Variants in NOL10 observed in about 807,000 individuals in gnomAD.
The protein encoded by NOL10 is H_NH0074G24.1.
NOL10 carries 58 observed loss-of-function variants against 103.5 expected under a neutral mutation model. That is an observed-to-expected ratio of 0.56 (90% CI 0.45 to 0.70). The LOEUF (loss-of-function observed/expected upper bound fraction) is 0.70, where lower values mean the gene tolerates loss of function less well. Ranked by LOEUF, NOL10 falls within the 30% of genes least tolerant of loss-of-function variation. The probability of loss-of-function intolerance (pLI) is 0.00; values close to 1 mark genes in which losing one functional copy is unlikely to be tolerated. For synonymous variants in NOL10, 287 were observed against 282.5 expected (o/e 1.02, Z -0.16); for missense variants, 763 against 807.3 (o/e 0.95, Z 0.67).
At chr2:10,683,487 G>C (rs1681927538) in intron 2 of NOL10, among the ~76,000 whole-genome samples, 1 of 152,200 alleles carries the variant, frequency 6.6e-6, no homozygotes, top group Admixed American at 6.5e-5. Flanking sequence ...ATACACAAGA[G>C]AGCAAAGCAA....
intron 1 of NOL10, among the ~76,000 whole-genome samples, chr2:10,685,430 T>C (rs1310321430): frequency 1.6e-5 from 2 of 128,508 alleles, no homozygotes; most frequent in African/African-American, 3.0e-5. Context: ...GAGGCGGAGG[T>C]TGCAGGGAGC....
chr2:10,603,129 G>A lies in NOL10; in HGVS notation c.1182C>T (p.Phe394=), dbSNP rs774391004. The change falls in exon 15 of 21, where the codon TTC becomes TTT. Residue 394 remains phenylalanine (F), a synonymous_variant. Coordinates refer to ENST00000381685, the MANE Select transcript of NOL10 (RefSeq NM_024894.4). ...AAAACCCATGCATATATGCCCGGAG[G>A]AAAGGAGATCCAATGAGGTGGGTGA... ...LGLTHLIGSP[F]LRAYMHGFFM... 1.2e-6 allele frequency: 2 copies of A among 1,611,850 alleles called. No homozygotes were observed. The highest frequency in any genetic ancestry group is 4.5e-5 in the East Asian group (2 of 44,824).
chr2:10,689,851 G>A lies in NOL10; in HGVS notation c.11C>T (p.Ser4Phe), dbSNP rs1489648128. 3.1e-6 allele frequency: 5 copies of A among 1,606,864 alleles called. No individual in the cohort carries two copies. Among genetic ancestry groups the A allele is most frequent in the Non-Finnish European group, 1.7e-6 (2 of 1,176,932 alleles). The change falls in exon 1 of 21, where the codon TCC becomes TTC. Residue 4 changes from serine (S) to phenylalanine (F), a missense_variant. Ser to Phe is a radical substitution (Grantham distance 155). Coordinates refer to ENST00000381685, the MANE Select transcript of NOL10 (RefSeq NM_024894.4). The part of the protein sequence containing the change: MQV[S>F]SLNEVKIYSL... Reference sequence around the variant, plus strand: ...GTAAATCTTCACCTCATTGAGGCTGGAGACCTGCATGGCGCCGCACAACAC... The same window carrying A: ...GTAAATCTTCACCTCATTGAGGCTGAAGACCTGCATGGCGCCGCACAACAC...
Position 10,584,477 on chromosome 2 carries a change from C to G in NOL10, c.1844+4566G>C, listed in dbSNP as rs554212346. Among the ~76,000 whole-genome samples, 8 of 150,964 alleles carry G rather than the reference C, an allele frequency of 5.3e-5. No homozygotes were observed. In the South Asian group the frequency reaches 1.7e-3, roughly 32 times the overall value. On this transcript the variant is annotated intron_variant, in intron 19 of 20. Transcript: ENST00000381685. ...GCAGACAGCTCACTCAAGTCTCCAG[C>G]TACCATTCACGATCCACCTTTCCCT...
At chr2:10,638,019 C>T (rs1463395316) in intron 13 of NOL10, among the ~76,000 whole-genome samples, 1 of 152,178 alleles carries the variant, frequency 6.6e-6, no homozygotes, top group Non-Finnish European at 1.5e-5. Context: ...CAGTGACTTA[C>T]ACCTGTAATC....
At chr2:10,623,419 C>A (rs893157133) in intron 13 of NOL10, among the ~76,000 whole-genome samples, 5 of 152,150 alleles carry the variant, frequency 3.3e-5, no homozygotes, top group Non-Finnish European at 7.4e-5. Context: ...ACCCTTCTAT[C>A]CACCATCACT....
chr2:10,587,724 A>G (rs1675189330), intron 19 of NOL10, among the ~76,000 whole-genome samples: 1 of 152,132 alleles, frequency 6.6e-6, no homozygotes, highest in Admixed American at 6.5e-5. Context: ...AAATTCAAGG[A>G]TTCACTACAT....
intron 11 of NOL10, among the ~76,000 whole-genome samples, chr2:10,656,373 A>G (rs996521798): frequency 1.3e-5 from 2 of 152,200 alleles, no homozygotes; most frequent in Admixed American, 1.3e-4. Flanking sequence ...GGCAATCATC[A>G]GGGCAATTCT....
chr2:10,622,404 T>A (rs771359028), intron 13 of NOL10, among the ~76,000 whole-genome samples: 1 of 151,928 alleles, frequency 6.6e-6, no homozygotes, highest in African/African-American at 2.4e-5. Context: ...TAGTAACTTG[T>A]TAATAATGGT....
At chr2:10,648,556 G>C (rs566231292) in intron 12 of NOL10, among the ~76,000 whole-genome samples, 1 of 152,096 alleles carries the variant, frequency 6.6e-6, no homozygotes, top group Non-Finnish European at 1.5e-5. Flanking sequence ...GCTTAAAGTT[G>C]CTGGTTTGCA....
intron 17 of NOL10, among the ~76,000 whole-genome samples, chr2:10,598,101 A>G (rs925642207): frequency 2.0e-5 from 3 of 152,206 alleles, no homozygotes; most frequent in Non-Finnish European, 2.9e-5. Flanking sequence ...TGCCCCAACA[A>G]GACGGTTCAA....
chr2:10,685,908 A>T (rs1682164859), intron 1 of NOL10, among the ~76,000 whole-genome samples: 1 of 94,018 alleles, frequency 1.1e-5, no homozygotes, highest in Non-Finnish European at 3.1e-5. Context: ...TACAAAAAAA[A>T]AAAAGCAGCT....
intron 18 of NOL10, 104 bp downstream of exon 18, chr2:10,589,474 G>C: frequency 8.4e-7 from 1 of 1,196,370 alleles, no homozygotes. Flanking sequence ...ACTTAATATG[G>C]AATTAATTAC....
At chr2:10,621,797 A>G (rs1677163142) in intron 13 of NOL10, among the ~76,000 whole-genome samples, 1 of 152,200 alleles carries the variant, frequency 6.6e-6, no homozygotes, top group Admixed American at 6.5e-5. Flanking sequence ...TATTTCTTTG[A>G]GAGGCTTACA....
At chr2:10,639,627 T>C (rs1678563805) in intron 13 of NOL10, among the ~76,000 whole-genome samples, 1 of 152,084 alleles carries the variant, frequency 6.6e-6, no homozygotes, top group South Asian at 2.1e-4. Context: ...AGGTTTTGGG[T>C]TGGGTGCCAT....
intron 14 of NOL10, chr2:10,604,764 C>T (rs1211078842): frequency 6.6e-6 from 1 of 152,176 alleles, no homozygotes; most frequent in African/African-American, 2.4e-5. Context: ...ACCCGAGAAT[C>T]GGATGCAGCA....
Position 10,602,821 on chromosome 2 carries a change from T to C in NOL10, c.1287A>G (p.Ile429Met), listed in dbSNP as rs1276655480. ...FAYEEYRKDK[I>M]RQKIEETRAQ... ...CACGTGTTTCTTCTATTTTCTGTCG[T>C]ATTTTATCTTTCCTATATTCTTCAT... is the stretch of plus-strand genomic sequence containing the variant. Residue 429 changes from isoleucine (I) to methionine (M), a missense_variant, in exon 16 of 21, where the codon ATA becomes ATG. Transcript: ENST00000381685. The C allele has an allele frequency of 1.2e-6, 2 of 1,610,824 alleles. No individual in the cohort carries two copies. The highest frequency in any genetic ancestry group is 1.7e-6 in the Non-Finnish European group (2 of 1,177,860).
intron 19 of NOL10, among the ~76,000 whole-genome samples, chr2:10,587,137 A>G (rs1331281933): frequency 2.0e-5 from 1 of 50,352 alleles, no homozygotes; most frequent in Admixed American, 2.3e-4. Context: ...ATACATATAT[A>G]CACATATATA....
intron 3 of NOL10, among the ~76,000 whole-genome samples, chr2:10,680,825 A>C (rs536462733): frequency 7.9e-4 from 120 of 152,358 alleles, no homozygotes; most frequent in Non-Finnish European, 1.5e-3. Context: ...CCAAAATCAC[A>C]ACCACTAAAG....
Sources: allele counts gnomAD v4.1 joint callset (sites outside exome capture counted in the v4.1 genomes callset), GRCh38; gene constraint gnomAD v4.1.1; transcripts MANE v1.5; gene names NCBI Gene and HGNC (gene_info 2026-07-23, HGNC 2026-07-21).